The following ROBO2 variants were observed in gnomAD, a reference collection of about 807,000 sequenced individuals.
ROBO2 encodes roundabout homolog 2.
In ROBO2, 53 loss-of-function variants were observed where a neutral mutation model predicts 160.8. The observed-to-expected ratio is 0.33, with a 90% CI of 0.26 to 0.41. The LOEUF (loss-of-function observed/expected upper bound fraction) is 0.41. Ranked by LOEUF, ROBO2 falls within the 10% of genes least tolerant of loss-of-function variation. ROBO2 has a pLI of 1.00. For synonymous variants in ROBO2, 664 were observed against 611.7 expected, an observed-to-expected ratio of 1.09 and a Z score of -1.26; for missense variants, 1,577 against 1,722.4, an observed-to-expected ratio of 0.92 and a Z score of 1.49.
At chr3:77,001,300 G>A (rs1578171433) in intron 2 of ROBO2, among the ~76,000 whole-genome samples, 3 of 152,146 alleles carry the variant, frequency 2.0e-5, no homozygotes, top group South Asian at 2.1e-4. Flanking sequence ...AAAACCATCA[G>A]TTTACGGACT....
intron 2 of ROBO2, among the ~76,000 whole-genome samples, chr3:77,462,047 A>T (rs186383626): frequency 6.6e-6 from 1 of 152,278 alleles, no homozygotes; most frequent in African/African-American, 2.4e-5. Flanking sequence ...CATGAAATAG[A>T]TTTATACACT....
At chr3:76,166,538 C>A (rs890808443) in intron 2 of ROBO2, among the ~76,000 whole-genome samples, 7 of 152,072 alleles carry the variant, frequency 4.6e-5, no homozygotes, top group African/African-American at 1.7e-4. Flanking sequence ...ATTACCTCAA[C>A]CTCTAAATAA....
intron 2 of ROBO2, among the ~76,000 whole-genome samples, chr3:76,159,074 T>A (rs920769378): frequency 6.6e-6 from 1 of 152,188 alleles, no homozygotes; most frequent in African/African-American, 2.4e-5. Flanking sequence ...AAGTGGGATG[T>A]GTAGTGAATT....
chr3:77,477,497 C>T (rs1391989957), exon 3 of ROBO2: 2 of 1,613,874 alleles, frequency 1.2e-6, no homozygotes, highest in Non-Finnish European at 8.5e-7. Flanking sequence ...CCAGCCTCCC[C>T]GGGGACACCC....
chr3:77,422,007 A>T (rs62249799), intron 2 of ROBO2, among the ~76,000 whole-genome samples: 220 of 152,212 alleles, frequency 1.4e-3, no homozygotes, highest in Middle Eastern at 6.8e-3. Flanking sequence ...GAAAAATTAG[A>T]TTCATGTGCT....
At chr3:77,562,336 T>C (rs955050394) in intron 9 of ROBO2, among the ~76,000 whole-genome samples, 3 of 152,034 alleles carry the variant, frequency 2.0e-5, no homozygotes, top group Non-Finnish European at 4.4e-5. Context: ...AGTAGAGCCC[T>C]GCCATAAAAT....
At chr3:76,872,338 A>G (rs1173851993) in intron 2 of ROBO2, among the ~76,000 whole-genome samples, 1 of 152,160 alleles carries the variant, frequency 6.6e-6, no homozygotes, top group East Asian at 1.9e-4. Context: ...AGAAAAATAT[A>G]AAAAATACAG....
At chr3:77,571,446 A>G (rs1281370399) in intron 13 of ROBO2, among the ~76,000 whole-genome samples, 2 of 152,114 alleles carry the variant, frequency 1.3e-5, no homozygotes, top group Non-Finnish European at 2.9e-5. Flanking sequence ...GCTTTCACTT[A>G]TATCAGTCAC....
chr3:76,004,132 A>G (rs2065959311), intron 2 of ROBO2, among the ~76,000 whole-genome samples: 2 of 152,234 alleles, frequency 1.3e-5, no homozygotes, highest in Admixed American at 1.3e-4. Flanking sequence ...GCATGGCCTT[A>G]AACTATAAAT....
intron 2 of ROBO2, among the ~76,000 whole-genome samples, chr3:76,633,862 C>G (rs1456889615): frequency 2.0e-5 from 3 of 151,434 alleles, no homozygotes; most frequent in Non-Finnish European, 2.9e-5. Context: ...CCCACAGCCT[C>G]AGCTTCTAAC....
intron 2 of ROBO2, among the ~76,000 whole-genome samples, chr3:76,165,562 CTT>C (rs1390963748): frequency 6.6e-6 from 1 of 152,146 alleles, no homozygotes; most frequent in Non-Finnish European, 1.5e-5. Context: ...TCTTCAAGAA[CTT>C]TTCCTTTGTA....
chr3:77,388,208 T>A (rs1029959833), intron 2 of ROBO2, among the ~76,000 whole-genome samples: 4 of 151,878 alleles, frequency 2.6e-5, no homozygotes, highest in Non-Finnish European at 5.9e-5. Flanking sequence ...TTTGTTAAAA[T>A]GTGAAAGGAT....
At chr3:77,143,096 A>AAAAAGC (rs765063205) in intron 2 of ROBO2, among the ~76,000 whole-genome samples, 4 of 150,814 alleles carry the variant, frequency 2.7e-5, no homozygotes, top group Non-Finnish European at 5.9e-5. Context: ...ACCAATAAAC[A>AAAAAGC]AAAAGCAAAC....
At chr3:76,911,766 A>G (rs1011081572) in intron 2 of ROBO2, among the ~76,000 whole-genome samples, 7 of 151,868 alleles carry the variant, frequency 4.6e-5, no homozygotes, top group African/African-American at 1.7e-4. Flanking sequence ...AAAAGGTTCT[A>G]TAAGATTTCC....
chr3:76,282,023 G>T (rs1335816169), intron 2 of ROBO2, among the ~76,000 whole-genome samples: 1 of 151,988 alleles, frequency 6.6e-6, no homozygotes, highest in African/African-American at 2.4e-5. Context: ...ATTATGTAGT[G>T]AACATTCATA....
chr3:77,403,573 AGTGTGTGTGTGTGTGT>A (rs57545425), intron 2 of ROBO2, among the ~76,000 whole-genome samples: 48 of 129,466 alleles, frequency 3.7e-4, no homozygotes, highest in East Asian at 2.7e-3. Context: ...TAGTTATTTC[AGTGTGTGTGTGTGTGT>A]GTGTGTGTGT....
rs185003888 is a variant in ROBO2 at position 77,635,227 on chromosome 3, A to G, written c.3934+184A>G. On this transcript the variant is annotated intron_variant, in intron 24 of 25. Transcript: ENST00000461745. The stretch of plus-strand genomic sequence containing the variant: ...TTAAAAACAATCTAGAATTATTTCT[A>G]TATTATTAAGCCTCAAGAAATACAT... Among the ~76,000 whole-genome samples the G allele has an allele frequency of 2.2e-3, 331 of 152,234 alleles. 2 individuals carry two copies. The highest frequency in any genetic ancestry group is 7.7e-3 in the African/African-American group (320 of 41,556).
chr3:76,647,953 C>T (rs1445415009), intron 2 of ROBO2, among the ~76,000 whole-genome samples: 1 of 152,068 alleles, frequency 6.6e-6, no homozygotes, highest in Non-Finnish European at 1.5e-5. Flanking sequence ...CGAAAGACAG[C>T]CTTGGGTTAC....
intron 2 of ROBO2, among the ~76,000 whole-genome samples, chr3:77,030,766 C>T (rs1236822072): frequency 6.6e-6 from 1 of 152,148 alleles, no homozygotes; most frequent in South Asian, 2.1e-4. Flanking sequence ...GATAAGGACA[C>T]GAATCACTGG....
Sources: gnomAD v4.1 joint callset for allele counts (sites outside exome capture counted in the v4.1 genomes callset) on GRCh38, gnomAD v4.1.1 for gene constraint, MANE v1.5 for transcripts, NCBI Gene and HGNC (gene_info 2026-07-23, HGNC 2026-07-21) for gene names.